SEMA5B: variants seen among roughly 807,000 people sequenced by gnomAD.
SEMA5B encodes semaphorin-5B.
SEMA5B carries 66 observed loss-of-function variants against 135.0 expected under a neutral mutation model. The ratio of observed to expected loss-of-function variants is 0.49; its 90% CI spans 0.40 to 0.60. The LOEUF is 0.60. Among genes scored for constraint, SEMA5B ranks in the 20% least tolerant of loss-of-function variants. The probability of loss-of-function intolerance (pLI) is 0.00; values close to 1 mark genes in which losing one functional copy is unlikely to be tolerated. For missense variants in SEMA5B, 1,501 were observed against 1,566.3 expected, an observed-to-expected ratio of 0.96 and a Z score of 0.70; for synonymous variants, 690 against 639.5, an observed-to-expected ratio of 1.08 and a Z score of -1.19.
chr3:122,984,021 AT>A (rs1941618612), intron 1 of SEMA5B, among the ~76,000 whole-genome samples: 1 of 152,212 alleles, frequency 6.6e-6, no homozygotes, highest in Admixed American at 6.5e-5. Context: ...ACGCTTCATC[AT>A]TGGTCCTACG....
In SEMA5B at chr3:122,922,387, C is replaced by T. The variant is rs769155253; in HGVS notation, c.1333G>A (p.Ala445Thr). 1 of 1,612,134 alleles carries T rather than the reference C, an allele frequency of 6.2e-7. No individual in the cohort carries two copies. Among genetic ancestry groups the T allele is most frequent in the Non-Finnish European group, 8.5e-7 (1 of 1,179,320 alleles). The change falls in exon 11 of 23, where the codon GCG (alanine) becomes ACG (threonine). Residue 445 changes from alanine to threonine, a missense_variant. Transcript: ENST00000357599. The stretch of plus-strand genomic sequence containing the variant: ...TCGCTCATCAGGAAGAGGCGCTGCG[C>T]GTCCTGCAGGCTGCGCTCCGTCAGG... ...ENLTERSLQD[A>T]QRLFLMSEAV...
chr3:122,921,958 G>A lies in SEMA5B; in HGVS notation c.1645C>T (p.Leu549=), dbSNP rs1311251770. ...ALFVGLRDGV[L]RVPLERCAAY... The stretch of plus-strand genomic sequence containing the variant: ...GCGCACCTCTCCAGTGGGACCCGCA[G>A]GACGCCGTCTCTCAGCCCCACGAAG... The change falls in exon 12 of 23, where the codon CTG becomes TTG. Residue 549 remains leucine, a synonymous_variant. Transcript: ENST00000357599. The A allele has an allele frequency of 6.5e-6, 10 of 1,535,916 alleles. No homozygotes were observed. Among genetic ancestry groups the A allele is most frequent in the East Asian group, 2.5e-5 (1 of 40,652 alleles).
At chr3:122,943,286 G>T in intron 4 of SEMA5B, 150 bp downstream of exon 4, 1 of 591,848 alleles carries the variant, frequency 1.7e-6, no homozygotes, top group Non-Finnish European at 3.0e-6. Flanking sequence ...TCCTCCTGTG[G>T]GGGGACAGAC....
At chr3:122,973,464 C>G (rs1941200797) in intron 1 of SEMA5B, among the ~76,000 whole-genome samples, 1 of 152,188 alleles carries the variant, frequency 6.6e-6, no homozygotes, top group African/African-American at 2.4e-5. Context: ...GCTCCCTTTC[C>G]TCTTTTAGAG....
At chr3:122,921,660 C>T (rs577934911) in intron 12 of SEMA5B, among the ~76,000 whole-genome samples, 1 of 152,332 alleles carries the variant, frequency 6.6e-6, no homozygotes, top group South Asian at 2.1e-4. Flanking sequence ...AGCCACCCAC[C>T]AAAATTTGCT....
intron 16 of SEMA5B, 37 bp from the exon 17 acceptor site, chr3:122,913,461 G>C (rs1312179496): frequency 7.1e-6 from 11 of 1,559,468 alleles, no homozygotes; most frequent in Admixed American, 3.5e-5. Context: ...AGAACCCCAC[G>C]GCCTCCAGGC....
chr3:122,943,726 G>C (rs2107531648), intron 3 of SEMA5B, among the ~76,000 whole-genome samples, 191 bp from the exon 4 acceptor site: 1 of 152,228 alleles, frequency 6.6e-6, no homozygotes, highest in South Asian at 2.1e-4. Context: ...TCATTCTTCT[G>C]CCACACTCCT....
At chr3:122,946,103 A>C (rs1939782604) in intron 3 of SEMA5B, among the ~76,000 whole-genome samples, 1 of 152,206 alleles carries the variant, frequency 6.6e-6, no homozygotes, top group African/African-American at 2.4e-5. Flanking sequence ...AGAGAAAAAG[A>C]CATTCTCCAT....
chr3:123,018,268 C>T (rs1369731361), intron 1 of SEMA5B, among the ~76,000 whole-genome samples: 1 of 152,248 alleles, frequency 6.6e-6, no homozygotes, highest in Non-Finnish European at 1.5e-5. Flanking sequence ...GGAAGATGCT[C>T]ATTCTAGAAA....
chr3:122,954,087 C>A (rs1397544164), intron 2 of SEMA5B, among the ~76,000 whole-genome samples: 1 of 152,196 alleles, frequency 6.6e-6, no homozygotes, highest in African/African-American at 2.4e-5. Context: ...GACGGGATAT[C>A]ACTCTGCTGT....
chr3:122,953,615 C>A (rs1576362345), intron 2 of SEMA5B, among the ~76,000 whole-genome samples: 1 of 152,214 alleles, frequency 6.6e-6, no homozygotes, highest in East Asian at 1.9e-4. Flanking sequence ...GGGATCTCCT[C>A]TACTCAATTA....
Position 122,923,657 on chromosome 3 carries a change from G to GC in SEMA5B, c.1231dup (p.Ala411GlyfsTer20). The GC allele has an allele frequency of 6.2e-7, 1 of 1,614,046 alleles. No individual in the cohort carries two copies. Among genetic ancestry groups the GC allele is most frequent in the Non-Finnish European group, 8.5e-7 (1 of 1,179,910 alleles). On this transcript the variant is annotated frameshift_variant, in exon 10 of 23. Coordinates refer to ENST00000357599, the MANE Select transcript of SEMA5B (RefSeq NM_001031702.4). LOFTEE classifies it high-confidence loss of function. Reference sequence around the variant, plus strand: ...GGGGTTGGCTATGGGGAGCCAGGCAGCCCTGGGGTTCTCCTGGTAGCGAAA... The same window carrying GC: ...GGGGTTGGCTATGGGGAGCCAGGCAGCCCCTGGGGTTCTCCTGGTAGCGAAA...
chr3:122,911,032 G>C lies in SEMA5B; in HGVS notation c.3105C>G (p.Ile1035Met). ...EATDCAGFNL[I>M]HLVATGISCF... The stretch of plus-strand genomic sequence containing the variant: ...AGGAGATGCCCGTGGCCACCAAGTG[G>C]ATGAGATTGAACCCTAGGGGAAGAG... The change falls in exon 22 of 23, where the codon ATC becomes ATG. Residue 1035 changes from isoleucine (I) to methionine (M), a missense_variant. Coordinates refer to ENST00000357599, the MANE Select transcript of SEMA5B (RefSeq NM_001031702.4). The C allele has an allele frequency of 6.2e-7, 1 of 1,613,146 alleles. No homozygotes were observed. Among genetic ancestry groups the C allele is most frequent in the Non-Finnish European group, 8.5e-7 (1 of 1,179,414 alleles).
intron 9 of SEMA5B, 112 bp downstream of exon 9, chr3:122,926,279 AC>A: frequency 4.9e-6 from 5 of 1,026,138 alleles, no homozygotes; most frequent in Admixed American, 2.6e-5. Flanking sequence ...TCCTCAGATG[AC>A]CCCCGGCAGG....
chr3:122,989,442 C>G (rs10084755), intron 1 of SEMA5B, among the ~76,000 whole-genome samples: 21,268 of 152,238 alleles, frequency 0.14, 2,204 homozygotes, highest in African/African-American at 0.29. Flanking sequence ...CCTAGACTGG[C>G]CCACCAGGGC....
rs74952975 is a variant in SEMA5B, at chr3:122,909,418, A to G, written c.*725T>C. On this transcript the variant is annotated 3_prime_UTR_variant, in exon 23 of 23. Transcript: ENST00000357599. ...CACAGAGGCCAGACTTCTGCCTCCT[A>G]TGGCATTGATCCTCTCTCCTGGGCC... 0.079 allele frequency: 12,105 copies of G among 152,714 alleles called. 525 individuals carry two copies. The highest frequency in any genetic ancestry group is 0.16 in the Middle Eastern group (46 of 294). 9.5% of individuals were successfully genotyped at this position (152,714 alleles called of 1,614,324 possible).
chr3:122,933,188 G>A lies in SEMA5B; in HGVS notation c.475-4130C>T, dbSNP rs183390063. Among the ~76,000 whole-genome samples the A allele has an allele frequency of 5.3e-4, 80 of 151,858 alleles. 2 individuals are homozygous for A. Among genetic ancestry groups the A allele is most frequent in the African/African-American group, 1.5e-3 (62 of 41,406 alleles). ...TACCTTCTTTCCTCTCCTGCTTTCCGAATCGCATGTTTCCCTCTTTCTTGA... is the reference window on the plus strand; with the variant it reads ...TACCTTCTTTCCTCTCCTGCTTTCCAAATCGCATGTTTCCCTCTTTCTTGA... On this transcript the variant is annotated intron_variant, in intron 5 of 22. Transcript: ENST00000357599.
At chr3:122,935,453 G>A (rs1446140541) in intron 5 of SEMA5B, among the ~76,000 whole-genome samples, 2 of 152,058 alleles carry the variant, frequency 1.3e-5, no homozygotes, top group Non-Finnish European at 2.9e-5. Context: ...TTGGAGGGAG[G>A]GAGAAGATGG....
rs1291167537 is a variant in SEMA5B at position 122,930,863 on chromosome 3, G to A, written c.475-1805C>T. 7.9e-5 allele frequency among the ~76,000 whole-genome samples: 12 copies of A among 152,128 alleles called. 1 individual carries two copies. Among genetic ancestry groups the A allele is most frequent in the South Asian group, 6.2e-4 (3 of 4,822 alleles). On this transcript the variant is annotated intron_variant, in intron 5 of 22. Coordinates refer to ENST00000357599, the MANE Select transcript of SEMA5B (RefSeq NM_001031702.4). ...GCCCAAGGTCACACAGCTAGTAAAC[G>A]AGAAACCCAAGATGACTCCAGACAA...
Sources: gnomAD v4.1 joint callset for allele counts (sites outside exome capture counted in the v4.1 genomes callset) on GRCh38, gnomAD v4.1.1 for gene constraint, MANE v1.5 for transcripts, NCBI Gene and HGNC (gene_info 2026-07-23, HGNC 2026-07-21) for gene names.